The following NRXN1 variants were observed in gnomAD, a reference collection of about 807,000 sequenced individuals.
NRXN1 encodes the protein neurexin 1, also known as neurexin-1.
In NRXN1, 39 loss-of-function variants were observed where a neutral mutation model predicts 150.9. The observed-to-expected ratio is 0.26, with a 90% CI of 0.20 to 0.34. The LOEUF (loss-of-function observed/expected upper bound fraction) is 0.34, where lower values mean the gene tolerates loss of function less well. Among genes scored for constraint, NRXN1 ranks in the 10% least tolerant of loss-of-function variants. The pLI is 1.00. For missense variants in NRXN1, 1,815 were observed against 1,949.9 expected (o/e 0.93, Z 1.30); for synonymous variants, 924 against 757.0 (o/e 1.22, Z -3.62).
chr2:50,704,020 C>T (rs1263540761), intron 5 of NRXN1, among the ~76,000 whole-genome samples: 1 of 152,024 alleles, frequency 6.6e-6, no homozygotes, highest in Non-Finnish European at 1.5e-5. Flanking sequence ...GTTTAACTTA[C>T]ATCACTTCTG....
rs1433520575 is a variant in NRXN1, at chr2:50,828,152, G to C, written c.832+93717C>G. Among the ~76,000 whole-genome samples, 11 of 151,930 alleles carry C rather than the reference G, an allele frequency of 7.2e-5. 1 individual carries two copies. The East Asian group carries it at 2.1e-3, about 30-fold the overall frequency. ...TCCCAGACGGGGTGGTGGCCGGGCA[G>C]AGGGGCTCCTCACTTCCCAGTAGGG... On this transcript the variant is annotated intron_variant, in intron 5 of 22. Transcript: ENST00000401669.
chr2:50,053,719 A>G lies in NRXN1; in HGVS notation c.3809-129T>C, dbSNP rs1573630554. On this transcript the variant is annotated intron_variant, in intron 20 of 22. Coordinates refer to ENST00000401669, the MANE Select transcript of NRXN1 (RefSeq NM_001330078.2). ...AAACTATAAGAGAGGCATTTGACTC[A>G]TAATTCATTGCTTATAAATGAGGTG... 3.2e-5 allele frequency: 29 copies of G among 896,368 alleles called. No individual in the cohort carries two copies. In the East Asian group the frequency reaches 7.6e-4, roughly 24 times the overall value. The allele number at this position is 896,368 out of a possible 1,614,324, so 55.5% of individuals were successfully genotyped here. A position where few individuals can be genotyped will look rare whatever the true frequency, so the allele number is the denominator to read the frequency against.
chr2:50,942,823 G>GTTAA (rs1689680607), intron 2 of NRXN1, among the ~76,000 whole-genome samples: 1 of 152,176 alleles, frequency 6.6e-6, no homozygotes, highest in Non-Finnish European at 1.5e-5. Flanking sequence ...GCTGAAATGA[G>GTTAA]TTAAGGTCTT....
chr2:50,628,560 C>T (rs771062717), intron 5 of NRXN1, among the ~76,000 whole-genome samples: 4 of 151,650 alleles, frequency 2.6e-5, no homozygotes, highest in Admixed American at 6.6e-5. Context: ...TAATCATTTG[C>T]TACCTTACAA....
At chr2:50,305,497 A>G (rs555229789) in intron 17 of NRXN1, among the ~76,000 whole-genome samples, 2 of 152,298 alleles carry the variant, frequency 1.3e-5, no homozygotes, top group South Asian at 4.1e-4. Flanking sequence ...AACAAGAAAA[A>G]TTTTATTTGT....
chr2:50,751,417 C>T (rs1357964386), intron 5 of NRXN1, among the ~76,000 whole-genome samples: 1 of 151,984 alleles, frequency 6.6e-6, no homozygotes, highest in Non-Finnish European at 1.5e-5. Flanking sequence ...CCTATACAAA[C>T]ACTGGGGAAA....
intron 5 of NRXN1, among the ~76,000 whole-genome samples, chr2:50,691,818 CTT>C (rs987178758): frequency 6.6e-6 from 1 of 152,104 alleles, no homozygotes; most frequent in African/African-American, 2.4e-5. Context: ...CTCTCATTCA[CTT>C]TCTCTCTCTG....
At chr2:50,854,894 T>C (rs1675044443) in intron 5 of NRXN1, among the ~76,000 whole-genome samples, 5 of 152,030 alleles carry the variant, frequency 3.3e-5, no homozygotes, top group Admixed American at 2.6e-4. Context: ...GAAAGAACAA[T>C]GAGCCTGGAC....
chr2:50,776,521 G>A (rs1029176438), intron 5 of NRXN1, among the ~76,000 whole-genome samples: 6 of 151,434 alleles, frequency 4.0e-5, no homozygotes, highest in South Asian at 2.1e-4. Context: ...AAACATCCTT[G>A]CATATCAACA....
intron 22 of NRXN1, among the ~76,000 whole-genome samples, chr2:49,932,380 C>T (rs1670282309): frequency 6.6e-6 from 1 of 152,166 alleles, no homozygotes; most frequent in Admixed American, 6.5e-5. Context: ...ATAACTGCAG[C>T]ACTACACTCC....
chr2:50,731,850 T>C (rs914333174), intron 5 of NRXN1, among the ~76,000 whole-genome samples: 3 of 152,202 alleles, frequency 2.0e-5, no homozygotes, highest in Non-Finnish European at 2.9e-5. Context: ...AGTTGCATGA[T>C]TTGCATTAGG....
At chr2:50,760,403 T>C (rs1559222741) in intron 5 of NRXN1, among the ~76,000 whole-genome samples, 1 of 151,816 alleles carries the variant, frequency 6.6e-6, no homozygotes, top group Non-Finnish European at 1.5e-5. Flanking sequence ...CCCTTAGCCT[T>C]ACCAGCAAAA....
intron 17 of NRXN1, among the ~76,000 whole-genome samples, chr2:50,337,987 C>A (rs970702248): frequency 6.6e-6 from 1 of 152,186 alleles, no homozygotes; most frequent in Non-Finnish European, 1.5e-5. Context: ...CAGGAGTGTT[C>A]CACTTTTAGT....
intron 17 of NRXN1, among the ~76,000 whole-genome samples, chr2:50,302,833 A>C (rs531336448): frequency 6.6e-6 from 1 of 152,282 alleles, no homozygotes; most frequent in South Asian, 2.1e-4. Context: ...AGGATGGAGA[A>C]ATAACAGTTC....
chr2:50,984,186 T>C (rs930078646), intron 2 of NRXN1, among the ~76,000 whole-genome samples: 1 of 138,802 alleles, frequency 7.2e-6, no homozygotes, highest in Non-Finnish European at 1.5e-5. Context: ...GGTTTCACCA[T>C]GTTGGCTAGG....
intron 17 of NRXN1, among the ~76,000 whole-genome samples, chr2:50,409,810 C>G (rs1023471495): frequency 3.9e-5 from 6 of 152,146 alleles, no homozygotes; most frequent in African/African-American, 1.2e-4. Context: ...GAATTTAGTG[C>G]AACCTGATAG....
chr2:50,031,508 G>A (rs1382945019), intron 21 of NRXN1, among the ~76,000 whole-genome samples: 1 of 142,780 alleles, frequency 7.0e-6, no homozygotes, highest in Non-Finnish European at 1.5e-5. Context: ...TTTTTCCAGT[G>A]TAAAGTACAG....
At chr2:50,715,361 C>G (rs1327666268) in intron 5 of NRXN1, among the ~76,000 whole-genome samples, 1 of 152,110 alleles carries the variant, frequency 6.6e-6, no homozygotes. Context: ...GGGGAACCTT[C>G]CACTACTTGA....
At chr2:50,929,996 A>G (rs1687505249) in intron 2 of NRXN1, among the ~76,000 whole-genome samples, 1 of 152,116 alleles carries the variant, frequency 6.6e-6, no homozygotes, top group Non-Finnish European at 1.5e-5. Flanking sequence ...GAGAAAATGA[A>G]GCATAAAGGT....
Sources: allele counts gnomAD v4.1 joint callset (sites outside exome capture counted in the v4.1 genomes callset), GRCh38; gene constraint gnomAD v4.1.1; transcripts MANE v1.5; gene names NCBI Gene and HGNC (gene_info 2026-07-23, HGNC 2026-07-21).